Variants in ATP13A3 observed in about 807,000 individuals in gnomAD.
ATP13A3 encodes the protein polyamine-transporting ATPase 13A3.
ATP13A3 carries 59 observed loss-of-function variants against 158.1 expected under a neutral mutation model. The observed-to-expected ratio is 0.37, with a 90% CI of 0.30 to 0.46. ATP13A3 has a LOEUF of 0.46. Ranked by LOEUF, ATP13A3 falls within the 20% of genes least tolerant of loss-of-function variation. The pLI, the probability that ATP13A3 is intolerant of heterozygous loss-of-function variation, is 1.00. For missense variants in ATP13A3, 1,166 were observed against 1,525.2 expected, an observed-to-expected ratio of 0.76 and a Z score of 3.92; for synonymous variants, 491 against 504.3, an observed-to-expected ratio of 0.97 and a Z score of 0.35.
intron 25 of ATP13A3, 22 bp downstream of exon 25, chr3:194,430,250 TA>T: frequency 1.2e-6 from 2 of 1,613,612 alleles, no homozygotes; most frequent in Non-Finnish European, 1.7e-6. Context: ...ACTATAAAAC[TA>T]AATCACAAAA....
At chr3:194,483,820 G>C (rs1313882627) in intron 2 of ATP13A3, among the ~76,000 whole-genome samples, 1 of 152,178 alleles carries the variant, frequency 6.6e-6, no homozygotes, top group Non-Finnish European at 1.5e-5. Flanking sequence ...GAGCAGCCCT[G>C]TTCTGCAAGA....
At chr3:194,432,122 A>G in intron 21 of ATP13A3, 1 of 415,786 alleles carries the variant, frequency 2.4e-6, no homozygotes, top group Non-Finnish European at 4.2e-6. Context: ...TCTCACCCAC[A>G]ATTTTTAAAG....
At chr3:194,427,599 G>C (rs1254022866) in intron 28 of ATP13A3, among the ~76,000 whole-genome samples, 3 of 150,572 alleles carry the variant, frequency 2.0e-5, no homozygotes, top group Non-Finnish European at 1.5e-5. Flanking sequence ...AGAAGTTTGA[G>C]ACCAGCATGG....
intron 14 of ATP13A3, among the ~76,000 whole-genome samples, chr3:194,445,836 C>T (rs1320365154): frequency 6.6e-6 from 1 of 152,074 alleles, no homozygotes; most frequent in Admixed American, 6.6e-5. Flanking sequence ...AAGAAAATTC[C>T]AGCTCAGGAA....
intron 3 of ATP13A3, 24 bp from the exon 4 acceptor site, chr3:194,460,855 G>A (rs758573890): frequency 1.3e-6 from 2 of 1,588,248 alleles, no homozygotes; most frequent in Non-Finnish European, 1.7e-6. Context: ...GCGATCACAT[G>A]ATTAATTATC....
intron 7 of ATP13A3, among the ~76,000 whole-genome samples, chr3:194,456,763 G>T (rs534186231): frequency 2.6e-5 from 4 of 152,044 alleles, no homozygotes; most frequent in Non-Finnish European, 4.4e-5. Context: ...GATCAAGAAA[G>T]ATAAAAATGC....
chr3:194,473,825 A>G (rs567320587), intron 2 of ATP13A3, among the ~76,000 whole-genome samples: 1 of 152,360 alleles, frequency 6.6e-6, no homozygotes, highest in African/African-American at 2.4e-5. Flanking sequence ...TATGGAATTA[A>G]GGAGAATGAG....
upstream of ATP13A3, among the ~76,000 whole-genome samples, chr3:194,491,945 C>G (rs889167919): frequency 2.0e-4 from 31 of 152,218 alleles, no homozygotes; most frequent in Non-Finnish European, 3.5e-4. Context: ...GGTTCCTCTG[C>G]TTTTGCCCTT....
chr3:194,441,181 C>T (rs1466901085), intron 16 of ATP13A3, 130 bp downstream of exon 16: 6 of 731,224 alleles, frequency 8.2e-6, no homozygotes, highest in Middle Eastern at 3.4e-4. Flanking sequence ...TTAGAAATTA[C>T]ATAGCTCCTT....
At chr3:194,445,516 C>A (rs969321447) in intron 14 of ATP13A3, among the ~76,000 whole-genome samples, 6 of 152,082 alleles carry the variant, frequency 3.9e-5, no homozygotes, top group African/African-American at 7.2e-5. Context: ...ATAAGACTGA[C>A]AATGTGTTGA....
At chr3:194,426,052 A>C (rs1431903519) in intron 29 of ATP13A3, among the ~76,000 whole-genome samples, 2 of 152,222 alleles carry the variant, frequency 1.3e-5, no homozygotes, top group African/African-American at 4.8e-5. Flanking sequence ...TCAGGCACAG[A>C]AACAGCTAAC....
chr3:194,476,087 T>C (rs1720511125), intron 2 of ATP13A3, among the ~76,000 whole-genome samples: 1 of 152,174 alleles, frequency 6.6e-6, no homozygotes, highest in Non-Finnish European at 1.5e-5. Flanking sequence ...AAATAGTGTC[T>C]AGATTCCTAA....
At chr3:194,482,715 G>A (rs530288694) in intron 2 of ATP13A3, among the ~76,000 whole-genome samples, 1 of 152,186 alleles carries the variant, frequency 6.6e-6, no homozygotes, top group African/African-American at 2.4e-5. Flanking sequence ...GCTCATGTCT[G>A]TAATTCCTAC....
chr3:194,492,604 G>A (rs569897659), intron 2 of ATP13A3, among the ~76,000 whole-genome samples: 70 of 152,034 alleles, frequency 4.6e-4, no homozygotes, highest in Non-Finnish European at 8.7e-4. Flanking sequence ...ACAGGCATCC[G>A]CCACCAGGCC....
At position 194,419,939 on chromosome 3, in the gene ATP13A3, T is replaced by TA. The variant is rs1265328796; in HGVS notation, c.3341dup (p.Leu1114PhefsTer17). On this transcript the variant is annotated frameshift_variant, in exon 31 of 34. Coordinates refer to ENST00000645319, the MANE Select transcript of ATP13A3 (RefSeq NM_001367549.1). LOFTEE classifies it high-confidence loss of function. ...ACATGATGAATAATATAAAAATATATAAAAAAATCACAGAAAAAACAAAAA... is the reference window on the plus strand; with the variant it reads ...ACATGATGAATAATATAAAAATATATAAAAAAAATCACAGAAAAAACAAAAA... 12 of 1,532,386 alleles carry TA rather than the reference T, an allele frequency of 7.8e-6. No individual in the cohort carries two copies. Among genetic ancestry groups the TA allele is most frequent in the Non-Finnish European group, 9.6e-6 (11 of 1,149,614 alleles). 94.9% of individuals were successfully genotyped at this position (1,532,386 alleles called of 1,614,324 possible).
chr3:194,445,789 G>A (rs965171254), intron 14 of ATP13A3, among the ~76,000 whole-genome samples: 2 of 152,038 alleles, frequency 1.3e-5, no homozygotes, highest in African/African-American at 4.8e-5. Context: ...TTTGATAGAA[G>A]GTTTTCTGGT....
chr3:194,418,533 G>C lies in ATP13A3; in HGVS notation c.3402+1346C>G, dbSNP rs1438263556. On this transcript the variant is annotated intron_variant, in intron 31 of 33. Transcript: ENST00000645319. ...CAAAGGCATGAATAGGCAGTTCACA[G>C]AGAAAATAAAAATGGCCATTAAACA... Among the ~76,000 whole-genome samples, 4 of 152,200 alleles carry C rather than the reference G, an allele frequency of 2.6e-5. 1 individual carries two copies. The highest frequency in any genetic ancestry group is 9.6e-5 in the African/African-American group (4 of 41,544).
rs1715492861 is a variant in ATP13A3, at chr3:194,412,229, C to T, written c.3543G>A (p.Glu1181=). The part of the protein sequence containing the change: ...KVVFNRDKQG[E]YRFSTTQPPQ... ...GTGGCTGTGTGGTGCTGAACCGATA[C>T]TCTCCTTGTTTGTCTCGGTTGAACA... Residue 1181 remains glutamate, a synonymous_variant, in exon 33 of 34, where the codon GAG becomes GAA. Transcript: ENST00000645319. The T allele has an allele frequency of 6.5e-7, 1 of 1,536,298 alleles. No individual in the cohort carries two copies. The highest frequency in any genetic ancestry group is 1.2e-5 in the South Asian group (1 of 84,062).
At chr3:194,412,895 G>A in intron 32 of ATP13A3, 1 of 152,166 alleles carries the variant, frequency 6.6e-6, no homozygotes, top group Non-Finnish European at 1.5e-5. Context: ...TCTTTTAGGG[G>A]GTAATTGAAA....
Sources: allele counts gnomAD v4.1 joint callset (sites outside exome capture counted in the v4.1 genomes callset), GRCh38; gene constraint gnomAD v4.1.1; transcripts MANE v1.5; gene names NCBI Gene and HGNC (gene_info 2026-07-23, HGNC 2026-07-21).